Variants in ATP13A3 observed in about 807,000 individuals in gnomAD.
The protein encoded by ATP13A3 is polyamine-transporting ATPase 13A3.
ATP13A3 carries 59 observed loss-of-function variants against 158.1 expected under a neutral mutation model. The ratio of observed to expected loss-of-function variants is 0.37; its 90% CI spans 0.30 to 0.46. The LOEUF (loss-of-function observed/expected upper bound fraction) is 0.46. ATP13A3 is among the 20% of genes least tolerant of loss of function. The pLI, the probability that ATP13A3 is intolerant of heterozygous loss-of-function variation, is 1.00. For synonymous variants in ATP13A3, 491 were observed against 504.3 expected (o/e 0.97, Z 0.35); for missense variants, 1,166 against 1,525.2 (o/e 0.76, Z 3.92).
At chr3:194,456,860 T>G (rs575219224) in intron 7 of ATP13A3, among the ~76,000 whole-genome samples, 1 of 152,152 alleles carries the variant, frequency 6.6e-6, no homozygotes, top group African/African-American at 2.4e-5. Flanking sequence ...TGGGAACTGA[T>G]GAAATATGGT....
At chr3:194,431,297 A>G in intron 22 of ATP13A3, 71 bp from the exon 23 acceptor site, 1 of 1,466,056 alleles carries the variant, frequency 6.8e-7, no homozygotes, top group East Asian at 2.3e-5. Context: ...TTTTAAACAT[A>G]TTTGTTCTAA....
chr3:194,484,846 A>G (rs1237134255), intron 2 of ATP13A3, among the ~76,000 whole-genome samples: 1 of 152,174 alleles, frequency 6.6e-6, no homozygotes, highest in East Asian at 1.9e-4. Context: ...ACCTGAAGTC[A>G]GTAGTTCACG....
At position 194,419,908 on chromosome 3, in the gene ATP13A3, G is replaced by C; in HGVS notation, c.3373C>G (p.Pro1125Ala). 6.4e-7 allele frequency: 1 copy of C among 1,555,890 alleles called. No homozygotes were observed. The highest frequency in any genetic ancestry group is 8.6e-7 in the Non-Finnish European group (1 of 1,161,686). Residue 1125 changes from proline (P) to alanine (A), a missense_variant, in exon 31 of 34, where the codon CCA (proline) becomes GCA (alanine). Coordinates refer to ENST00000645319, the MANE Select transcript of ATP13A3 (RefSeq NM_001367549.1). ...YIFILFIMLY[P>A]VASVDQVLQI... ...AGAACCTGGTCAACAGAGGCAACTG[G>C]ATACAACATGATGAATAATATAAAA... is the stretch of plus-strand genomic sequence containing the variant.
chr3:194,419,626 G>GT (rs1560073662), intron 31 of ATP13A3, among the ~76,000 whole-genome samples: 1 of 151,940 alleles, frequency 6.6e-6, no homozygotes, highest in Admixed American at 6.6e-5. Flanking sequence ...CAGGATCAAC[G>GT]TTTTTTTATG....
In ATP13A3 at chr3:194,447,050, A is replaced by G; in HGVS notation, c.1374T>C (p.Leu458=). 6.2e-7 allele frequency: 1 copy of G among 1,613,582 alleles called. No homozygotes were observed. The highest frequency in any genetic ancestry group is 8.5e-7 in the Non-Finnish European group (1 of 1,179,872). Residue 458 remains leucine (L), a synonymous_variant, in exon 14 of 34, where the codon CTT becomes CTC. Coordinates refer to ENST00000645319, the MANE Select transcript of ATP13A3 (RefSeq NM_001367549.1). ...CAATACCAGCAGTCATTGCAGCAGG[A>G]AGTGCAGGGGGCACAGTAATTGTGA... ...DIITITVPPA[L]PAAMTAGIVY...
intron 9 of ATP13A3, 111 bp downstream of exon 9, chr3:194,454,147 A>G: frequency 8.9e-7 from 1 of 1,126,194 alleles, no homozygotes; most frequent in Non-Finnish European, 1.2e-6. Context: ...ATGCAACTAA[A>G]ATAATGACTG....
rs777868192 is a variant in ATP13A3 at position 194,405,956 on chromosome 3, T to C, written c.3734A>G (p.Lys1245Arg). ...QTTTEAKALV[K>R]ENGSCQIITI... ...GATGATTTGACATGATCCATTCTCC[T>C]TAACTAAAGCTTTAGCTTCTGTGGT... is the stretch of plus-strand genomic sequence containing the variant. Residue 1245 changes from lysine to arginine, a missense_variant, in exon 34 of 34, where the codon AAG becomes AGG. By Grantham distance (26) the Lys-to-Arg change is conservative (BLOSUM62 2). Coordinates refer to ENST00000645319, the MANE Select transcript of ATP13A3 (RefSeq NM_001367549.1). 1 of 1,614,162 alleles carries C rather than the reference T, an allele frequency of 6.2e-7. No homozygotes were observed. The highest frequency in any genetic ancestry group is 8.5e-7 in the Non-Finnish European group (1 of 1,180,022).
chr3:194,409,119 T>C (rs2108705856), intron 33 of ATP13A3, among the ~76,000 whole-genome samples: 1 of 152,306 alleles, frequency 6.6e-6, no homozygotes, highest in East Asian at 1.9e-4. Flanking sequence ...GAGGCTACCA[T>C]GCATAGTTTA....
intron 30 of ATP13A3, among the ~76,000 whole-genome samples, chr3:194,420,870 C>A (rs865821699): frequency 6.6e-6 from 1 of 151,340 alleles, no homozygotes; most frequent in African/African-American, 2.4e-5. Context: ...TATTTGAACT[C>A]CACTTCAAAC....
chr3:194,429,652 T>C, intron 27 of ATP13A3, 26 bp downstream of exon 27: 1 of 1,531,676 alleles, frequency 6.5e-7, no homozygotes, highest in African/African-American at 1.4e-5. Context: ...TTAAGTGTTA[T>C]CTCTGCACAC....
At chr3:194,444,666 T>G (rs1396396418) in intron 15 of ATP13A3, 59 bp downstream of exon 15, 15 of 1,402,758 alleles carry the variant, frequency 1.1e-5, no homozygotes, top group Non-Finnish European at 1.5e-5. Flanking sequence ...GTTTGAATGT[T>G]GCACATGTTA....
intron 2 of ATP13A3, among the ~76,000 whole-genome samples, chr3:194,466,280 G>A (rs1279980459): frequency 6.6e-6 from 1 of 151,952 alleles, no homozygotes; most frequent in Non-Finnish European, 1.5e-5. Context: ...ACAGAAAGAG[G>A]AAACGTCACT....
intron 24 of ATP13A3, among the ~76,000 whole-genome samples, chr3:194,430,653 A>C (rs1225456810): frequency 6.6e-6 from 1 of 152,182 alleles, no homozygotes; most frequent in Non-Finnish European, 1.5e-5. Flanking sequence ...ATCCCTTAAT[A>C]ACCTGAAACA....
intron 30 of ATP13A3, chr3:194,420,314 A>G (rs1716202145): frequency 1.3e-5 from 2 of 159,856 alleles, no homozygotes; most frequent in African/African-American, 4.8e-5. Flanking sequence ...TAAAGCCAAT[A>G]CATAATGCAC....
At chr3:194,490,050 C>T (rs111597934), upstream of ATP13A3, among the ~76,000 whole-genome samples, 19 of 152,154 alleles carry the variant, frequency 1.2e-4, no homozygotes, top group African/African-American at 4.3e-4. The surrounding 1 kb of genome is among the most constrained non-coding windows in gnomAD (Gnocchi z 4.4). Flanking sequence ...AACAGTCATA[C>T]CAGTAAGGTC....
chr3:194,414,654 G>T (rs984803095), intron 31 of ATP13A3, among the ~76,000 whole-genome samples: 1 of 152,090 alleles, frequency 6.6e-6, no homozygotes, highest in African/African-American at 2.4e-5. Context: ...AAAACTGAAA[G>T]AATCTAACAA....
chr3:194,427,992 G>A (rs559985539), intron 28 of ATP13A3, among the ~76,000 whole-genome samples: 48 of 152,060 alleles, frequency 3.2e-4, no homozygotes, highest in Non-Finnish European at 2.1e-4. Flanking sequence ...AGGCCGAGGC[G>A]GGCGGACCAC....
chr3:194,478,830 T>C (rs1442948537), intron 2 of ATP13A3, among the ~76,000 whole-genome samples: 2 of 152,136 alleles, frequency 1.3e-5, no homozygotes, highest in Non-Finnish European at 2.9e-5. Flanking sequence ...ACTGTGTATG[T>C]GTAAGAGAGA....
chr3:194,449,269 G>A (rs78373673), intron 11 of ATP13A3, among the ~76,000 whole-genome samples: 3,160 of 152,050 alleles, frequency 0.021, 78 homozygotes, highest in East Asian at 0.07. Context: ...TTTAAGATAC[G>A]AGATATGTGT....
Sources: gnomAD v4.1 joint callset for allele counts (sites outside exome capture counted in the v4.1 genomes callset) on GRCh38, gnomAD v4.1.1 for gene constraint, Gnocchi (gnomAD v3.1) non-coding constraint, MANE v1.5 for transcripts, NCBI Gene and HGNC (gene_info 2026-07-23, HGNC 2026-07-21) for gene names.